The following HNRNPA1L2 variants were observed in gnomAD, a reference collection of about 807,000 sequenced individuals.
HNRNPA1L2 encodes heterogeneous nuclear ribonucleoprotein A1 like 2, also known as heterogeneous nuclear ribonucleoprotein A1-like 2.
In HNRNPA1L2, 10 loss-of-function variants were observed where a neutral mutation model predicts 18.2. The ratio of observed to expected loss-of-function variants is 0.55; its 90% CI spans 0.34 to 0.93. The LOEUF (loss-of-function observed/expected upper bound fraction) is 0.93, where lower values mean the gene tolerates loss of function less well. HNRNPA1L2 is among the 40% of genes least tolerant of loss of function. HNRNPA1L2 has a pLI of 0.02. For missense variants in HNRNPA1L2, 308 were observed against 394.4 expected (o/e 0.78, Z 1.85); for synonymous variants, 124 against 138.6 (o/e 0.89, Z 0.74).
chr13:52,618,753 C>T, the HNRNPA1L2 span, among the ~76,000 whole-genome samples: 1 of 152,132 alleles, frequency 6.6e-6, no homozygotes, highest in African/African-American at 2.4e-5. Flanking sequence ...TGAAAGGGGA[C>T]GTCTTAAATG....
chr13:52,642,401 TC>T (rs1376552141), upstream of HNRNPA1L2: 3 of 1,508,734 alleles, frequency 2.0e-6, no homozygotes, highest in African/African-American at 4.2e-5. Context: ...AAATACTCTA[TC>T]CAGCTTCATA....
At chr13:52,622,576 G>T in the HNRNPA1L2 span, among the ~76,000 whole-genome samples, 1 of 152,126 alleles carries the variant, frequency 6.6e-6, no homozygotes, top group Admixed American at 6.6e-5. Context: ...GCCTCTTTAA[G>T]CTGTTAATTA....
the HNRNPA1L2 span, chr13:52,621,928 T>A: frequency 6.5e-6 from 1 of 152,800 alleles, no homozygotes; most frequent in African/African-American, 2.4e-5. Flanking sequence ...AGATACACGG[T>A]TTTTTGCTTT....
At chr13:52,633,522 G>T in the HNRNPA1L2 span, among the ~76,000 whole-genome samples, 2 of 152,292 alleles carry the variant, frequency 1.3e-5, no homozygotes, top group African/African-American at 4.8e-5. Flanking sequence ...CTGACGAATA[G>T]AAGTTAGTTT....
At chr13:52,635,122 T>A in the HNRNPA1L2 span, among the ~76,000 whole-genome samples, 301 of 152,320 alleles carry the variant, frequency 2.0e-3, 2 homozygotes, top group African/African-American at 6.7e-3. Context: ...CAGTATCAGA[T>A]GAACTAGGCC....
upstream of HNRNPA1L2, chr13:52,642,411 T>C (rs1455016860): frequency 5.2e-6 from 8 of 1,544,508 alleles, no homozygotes; most frequent in Admixed American, 3.7e-5. Context: ...TCCAGCTTCA[T>C]ATCTAAGATC....
At chr13:52,617,588 C>T in the HNRNPA1L2 span, 13 of 461,654 alleles carry the variant, frequency 2.8e-5, no homozygotes, top group East Asian at 4.2e-4. Flanking sequence ...GTTTCTACCT[C>T]TTCGCACCCT....
At chr13:52,638,825 T>C (rs1378623900), upstream of HNRNPA1L2, among the ~76,000 whole-genome samples, 3 of 152,176 alleles carry the variant, frequency 2.0e-5, no homozygotes, top group African/African-American at 7.2e-5. Flanking sequence ...CAAACTAGAA[T>C]ACAAGTGACG....
At chr13:52,618,514 G>A in the HNRNPA1L2 span, among the ~76,000 whole-genome samples, 1 of 152,190 alleles carries the variant, frequency 6.6e-6, no homozygotes, top group African/African-American at 2.4e-5. Context: ...AATTGCCCAG[G>A]TAGAATTAAG....
upstream of HNRNPA1L2, chr13:52,641,589 T>G (rs539286168): frequency 6.6e-6 from 1 of 152,312 alleles, no homozygotes; most frequent in Non-Finnish European, 1.5e-5. Flanking sequence ...TCTCCCAAGT[T>G]TTGTCTAAAG....
In HNRNPA1L2 at chr13:52,642,698, A is replaced by C. The variant is rs1217637601; in HGVS notation, c.206A>C (p.Asp69Ala). 6.2e-7 allele frequency: 1 copy of C among 1,607,230 alleles called. No individual in the cohort carries two copies. The highest frequency in any genetic ancestry group is 8.5e-7 in the Non-Finnish European group (1 of 1,179,836). Residue 69 changes from aspartate (D) to alanine (A), a missense_variant, in exon 1 of 1, where the codon GAT becomes GCT. By Grantham distance (126) the Asp-to-Ala change is moderately radical (BLOSUM62 -2). Coordinates refer to ENST00000357495, the MANE Select transcript of HNRNPA1L2 (RefSeq NM_001389320.1). ...ACATATGCCACTGTGGAGGAGGTGG[A>C]TGCAGCTATGAATACAACGCCACAC... The part of the protein sequence containing the change: ...FVTYATVEEV[D>A]AAMNTTPHKV...
At chr13:52,624,495 A>T in the HNRNPA1L2 span, among the ~76,000 whole-genome samples, 8 of 152,122 alleles carry the variant, frequency 5.3e-5, no homozygotes, top group African/African-American at 1.9e-4. Flanking sequence ...TTTTCCTAGG[A>T]TATTTGTTTT....
chr13:52,639,656 G>A (rs989190775), upstream of HNRNPA1L2, among the ~76,000 whole-genome samples: 11 of 111,768 alleles, frequency 9.8e-5, no homozygotes, highest in East Asian at 1.3e-3. Context: ...TTTTTCTCTC[G>A]TTTTGTGTGT....
At chr13:52,626,915 A>T in the HNRNPA1L2 span, among the ~76,000 whole-genome samples, 9,357 of 152,230 alleles carry the variant, frequency 0.061, 333 homozygotes, top group African/African-American at 0.095. Context: ...ACTTGACAGC[A>T]ATGGAATCAT....
the HNRNPA1L2 span, among the ~76,000 whole-genome samples, chr13:52,633,420 G>A: frequency 6.6e-6 from 1 of 152,148 alleles, no homozygotes; most frequent in Non-Finnish European, 1.5e-5. Context: ...AGAAATGAGT[G>A]TCCTCTTGCT....
At chr13:52,625,100 T>G in the HNRNPA1L2 span, among the ~76,000 whole-genome samples, 2 of 151,834 alleles carry the variant, frequency 1.3e-5, no homozygotes, top group Non-Finnish European at 2.9e-5. Context: ...CAGGATTGAA[T>G]AGATTGTTAA....
At position 52,642,908 on chromosome 13, in the gene HNRNPA1L2, A is replaced by G. The variant is rs1205375217; in HGVS notation, c.416A>G (p.Asp139Gly). The change falls in exon 1 of 1, where the codon GAC becomes GGC. Residue 139 changes from aspartate to glycine, a missense_variant. By Grantham distance (94) the Asp-to-Gly change is moderately conservative. Transcript: ENST00000357495. ...GKIEVIEIMTDRGSGKKRGFA... is the reference protein window; with the variant it reads ...GKIEVIEIMTGRGSGKKRGFA... ...ATTGAAGTAATTGAAATCATGACTG[A>G]CCGAGGCAGTGGCAAGAAAAGGGGC... 4 of 1,596,860 alleles carry G rather than the reference A, an allele frequency of 2.5e-6. No individual in the cohort carries two copies. The South Asian group carries it at 3.3e-5, about 13-fold the overall frequency.
chr13:52,637,700 C>T (rs1253626502), upstream of HNRNPA1L2, among the ~76,000 whole-genome samples: 2 of 152,006 alleles, frequency 1.3e-5, no homozygotes, highest in African/African-American at 2.4e-5. Flanking sequence ...CAACATAACG[C>T]GGTATTTCAG....
the HNRNPA1L2 span, among the ~76,000 whole-genome samples, chr13:52,624,763 C>G: frequency 7.1e-4 from 108 of 152,282 alleles, no homozygotes; most frequent in African/African-American, 2.5e-3. Flanking sequence ...GGAGCAGTGG[C>G]TCATGCCTGT....
Sources: gnomAD v4.1 joint callset for allele counts (sites outside exome capture counted in the v4.1 genomes callset) on GRCh38, gnomAD v4.1.1 for gene constraint, MANE v1.5 for transcripts, NCBI Gene and HGNC (gene_info 2026-07-23, HGNC 2026-07-21) for gene names.